The following SEMA5A variants were observed in gnomAD, a reference collection of about 807,000 sequenced individuals.
SEMA5A encodes the protein semaphorin-5A.
In SEMA5A, 55 loss-of-function variants were observed where a neutral mutation model predicts 135.5. The ratio of observed to expected loss-of-function variants is 0.41; its 90% CI spans 0.33 to 0.51. The LOEUF (loss-of-function observed/expected upper bound fraction) is 0.51. Among genes scored for constraint, SEMA5A ranks in the 20% least tolerant of loss-of-function variants. The pLI is 0.37. For missense variants in SEMA5A, 1,290 were observed against 1,419.9 expected, an observed-to-expected ratio of 0.91 and a Z score of 1.47; for synonymous variants, 580 against 546.5, an observed-to-expected ratio of 1.06 and a Z score of -0.85.
chr5:9,103,843 G>C (rs1291021151), intron 16 of SEMA5A, among the ~76,000 whole-genome samples: 1 of 152,106 alleles, frequency 6.6e-6, no homozygotes, highest in Non-Finnish European at 1.5e-5. Flanking sequence ...CCAAAATGTA[G>C]AGTTAAGATT....
chr5:9,336,265 A>T (rs1038011902), intron 4 of SEMA5A, among the ~76,000 whole-genome samples: 1 of 152,218 alleles, frequency 6.6e-6, no homozygotes, highest in Non-Finnish European at 1.5e-5. Flanking sequence ...TGTGAGAATG[A>T]AAACAGGCAA....
chr5:9,184,681 C>T (rs1434400193), intron 11 of SEMA5A, among the ~76,000 whole-genome samples: 4 of 152,092 alleles, frequency 2.6e-5, no homozygotes, highest in Admixed American at 6.6e-5. Context: ...TCTATTTATT[C>T]GCTTATCTCT....
chr5:9,361,012 A>T (rs1385116118), intron 3 of SEMA5A, among the ~76,000 whole-genome samples: 1 of 152,186 alleles, frequency 6.6e-6, no homozygotes, highest in Non-Finnish European at 1.5e-5. Flanking sequence ...TAAAAACTCA[A>T]GTCTGGCCAG....
In SEMA5A at chr5:9,039,539, ATGAATGG is replaced by A. The variant is rs1390451882; in HGVS notation, c.*3351_*3357del. The A allele has an allele frequency of 1.3e-5, 2 of 152,228 alleles. No homozygotes were observed. The highest frequency in any genetic ancestry group is 2.9e-5 in the Non-Finnish European group (2 of 68,050). 9.4% of individuals were successfully genotyped at this position (152,228 alleles called of 1,614,324 possible). A position where few individuals can be genotyped will look rare whatever the true frequency, so the allele number is the denominator to read the frequency against. On this transcript the variant is annotated 3_prime_UTR_variant, in exon 23 of 23. Coordinates refer to ENST00000382496, the MANE Select transcript of SEMA5A (RefSeq NM_003966.3). ...ATTAAATGTTCTTTTCTTCTCAAAT[ATGAATGG>A]TAACTCTAGTGAGAGCCTACTTGAA...
chr5:9,229,363 T>C (rs1211667872), intron 6 of SEMA5A, among the ~76,000 whole-genome samples: 5 of 152,082 alleles, frequency 3.3e-5, no homozygotes, highest in African/African-American at 4.8e-5. Context: ...AGGAGAGTTC[T>C]AAAGGGAAAG....
intron 2 of SEMA5A, among the ~76,000 whole-genome samples, chr5:9,436,766 C>T (rs17324408): frequency 0.033 from 5,097 of 152,280 alleles, 102 homozygotes; most frequent in African/African-American, 0.037. Context: ...TCTCACTTTA[C>T]TTGTTCCTCC....
At chr5:9,166,203 A>AT (rs1743599218) in intron 11 of SEMA5A, among the ~76,000 whole-genome samples, 1 of 152,024 alleles carries the variant, frequency 6.6e-6, no homozygotes, top group Non-Finnish European at 1.5e-5. Flanking sequence ...GCACTAGGGG[A>AT]TGCAGCCTGC....
intron 5 of SEMA5A, among the ~76,000 whole-genome samples, chr5:9,303,079 T>TAC (rs556100328): frequency 6.5e-4 from 97 of 149,792 alleles, no homozygotes; most frequent in East Asian, 1.6e-3. Context: ...TTAACTTAAA[T>TAC]ACACACACAC....
chr5:9,250,349 C>G (rs989870641), intron 5 of SEMA5A, among the ~76,000 whole-genome samples: 41 of 152,152 alleles, frequency 2.7e-4, no homozygotes, highest in African/African-American at 9.7e-4. Flanking sequence ...ATTCCTTAAG[C>G]TGGGTTTGGA....
intron 1 of SEMA5A, among the ~76,000 whole-genome samples, chr5:9,475,898 T>A (rs2126765843): frequency 6.6e-6 from 1 of 152,324 alleles, no homozygotes; most frequent in Non-Finnish European, 1.5e-5. Flanking sequence ...AAAGAAAATC[T>A]CCCTTCCATT....
At chr5:9,262,990 T>C (rs553977802) in intron 5 of SEMA5A, among the ~76,000 whole-genome samples, 5 of 145,858 alleles carry the variant, frequency 3.4e-5, no homozygotes, top group South Asian at 2.2e-4. Flanking sequence ...TTTAAATAAA[T>C]GCCTAAGGAA....
rs1754782369 is a variant in SEMA5A at position 9,363,395 on chromosome 5, A to G, written c.124+16428T>C. The G allele has an allele frequency of 2.0e-5, 3 of 151,258 alleles. No homozygotes were observed. The Admixed American group carries it at 2.0e-4, about 10-fold the overall frequency. The allele number at this position is 151,258 out of a possible 1,614,324, so 9.4% of individuals were successfully genotyped here. ...ACTGGATCTACACTTAAAACAGTGA[A>G]TGGCTGCTACCCCCACCTCCTGCAG... On this transcript the variant is annotated intron_variant, in intron 3 of 22. Coordinates refer to ENST00000382496, the MANE Select transcript of SEMA5A (RefSeq NM_003966.3).
At chr5:9,379,738 C>T (rs779428183) in intron 3 of SEMA5A, 85 bp downstream of exon 3, 52 of 1,479,782 alleles carry the variant, frequency 3.5e-5, no homozygotes, top group Admixed American at 9.9e-5. Context: ...ATACAGCATT[C>T]GTGATGCTCT....
chr5:9,308,733 T>G (rs967129685), intron 5 of SEMA5A, among the ~76,000 whole-genome samples: 5 of 152,120 alleles, frequency 3.3e-5, no homozygotes, highest in African/African-American at 1.2e-4. Flanking sequence ...CAGGTCCAAA[T>G]CCTAGCTCTA....
intron 5 of SEMA5A, among the ~76,000 whole-genome samples, chr5:9,304,100 T>C (rs1751744757): frequency 6.6e-6 from 1 of 152,188 alleles, no homozygotes; most frequent in South Asian, 2.1e-4. Flanking sequence ...TAGACTCAAC[T>C]ACTCAAAATA....
chr5:9,246,989 G>T lies in SEMA5A; in HGVS notation c.271-9099C>A, dbSNP rs968294859. On this transcript the variant is annotated intron_variant, in intron 5 of 22. Coordinates refer to ENST00000382496, the MANE Select transcript of SEMA5A (RefSeq NM_003966.3). ...CAGTTATATGCCAAGGTTTCATCTGGGAATATAGTTAAAGGGTTCAAAAGG... is the reference window on the plus strand; with the variant it reads ...CAGTTATATGCCAAGGTTTCATCTGTGAATATAGTTAAAGGGTTCAAAAGG... Among the ~76,000 whole-genome samples the T allele has an allele frequency of 5.3e-5, 8 of 152,084 alleles. No homozygotes were observed. In the South Asian group the frequency reaches 1.7e-3, roughly 32 times the overall value.
At chr5:9,444,475 A>G (rs1432108480) in intron 1 of SEMA5A, among the ~76,000 whole-genome samples, 1 of 152,232 alleles carries the variant, frequency 6.6e-6, no homozygotes. Flanking sequence ...TCCACTTAGA[A>G]TAATAGACTC....
chr5:9,119,177 G>T, intron 14 of SEMA5A, 36 bp from the exon 15 acceptor site: 1 of 1,603,256 alleles, frequency 6.2e-7, no homozygotes, highest in Non-Finnish European at 8.5e-7. Flanking sequence ...ATTAGGTCCC[G>T]CAGGCTCAGA....
chr5:9,103,740 G>A lies in SEMA5A; in HGVS notation c.2073+4400C>T, dbSNP rs553958594. 7.6e-4 allele frequency among the ~76,000 whole-genome samples: 115 copies of A among 152,188 alleles called. 1 individual carries two copies. The highest frequency in any genetic ancestry group is 1.5e-3 in the Non-Finnish European group (100 of 68,012). On this transcript the variant is annotated intron_variant, in intron 16 of 22. Transcript: ENST00000382496. ...TAAGGTAAATCTGCTAAACCTTTGA[G>A]GAAATTTTGAGTTGCATTAATTTAA...
Sources: allele counts gnomAD v4.1 joint callset (sites outside exome capture counted in the v4.1 genomes callset), GRCh38; gene constraint gnomAD v4.1.1; transcripts MANE v1.5; gene names NCBI Gene and HGNC (gene_info 2026-07-23, HGNC 2026-07-21).